HYAL4: variants seen among roughly 807,000 people sequenced by gnomAD.
HYAL4 encodes hyaluronidase 4, also known as hyaluronidase-4.
A neutral mutation model predicts 35.2 loss-of-function variants in HYAL4; 37 were observed. The observed-to-expected ratio is 1.05, with a 90% CI of 0.81 to 1.38. The LOEUF (loss-of-function observed/expected upper bound fraction) is 1.38. Ranked by LOEUF, HYAL4 falls within the 40% of genes most tolerant of loss-of-function variation. HYAL4 has a pLI of 0.00. For missense variants in HYAL4, 572 were observed against 572.4 expected, an observed-to-expected ratio of 1.00 and a Z score of 0.01; for synonymous variants, 198 against 203.2, an observed-to-expected ratio of 0.97 and a Z score of 0.22.
the HYAL4 span, among the ~76,000 whole-genome samples, chr7:123,768,987 A>G: frequency 4.6e-5 from 7 of 152,190 alleles, no homozygotes; most frequent in Non-Finnish European, 2.9e-5. Flanking sequence ...TAAAGGTAAC[A>G]TTATTTTGAC....
rs368104827 is a variant in HYAL4 at position 123,832,469 on chromosome 7, T to C, written c.-257+3345T>C. ...TTTCCCCCTGAGTCCCCAAAGTCTA[T>C]TGTGTCATACTTTTTTTTTTTTTTT... On this transcript the variant is annotated intron_variant, in intron 1 of 4. Transcript: ENST00000489978. Among the ~76,000 whole-genome samples, 1,049 of 137,268 alleles carry C rather than the reference T, an allele frequency of 7.6e-3. 21 individuals carry two copies. The highest frequency in any genetic ancestry group is 0.027 in the African/African-American group (981 of 36,802). The allele number at this position is 137,268 out of a possible 152,430, so 90.1% of individuals were successfully genotyped here. A position where few individuals can be genotyped will look rare whatever the true frequency, so the allele number is the denominator to read the frequency against.
At chr7:123,789,643 A>C in the HYAL4 span, among the ~76,000 whole-genome samples, 11,112 of 152,242 alleles carry the variant, frequency 0.073, 500 homozygotes, top group East Asian at 0.15. Flanking sequence ...GTAAAATAGT[A>C]CTTTCTGAAG....
intron 1 of HYAL4, among the ~76,000 whole-genome samples, chr7:123,834,935 TG>T (rs1246784347): frequency 4.6e-5 from 7 of 152,190 alleles, no homozygotes; most frequent in African/African-American, 1.7e-4. Flanking sequence ...GAAACCCACT[TG>T]ATCATGGTGG....
At chr7:123,834,321 T>C (rs1805928960) in intron 1 of HYAL4, among the ~76,000 whole-genome samples, 2 of 152,160 alleles carry the variant, frequency 1.3e-5, no homozygotes, top group East Asian at 1.9e-4. Flanking sequence ...GATATATTTC[T>C]AAGTATTTTA....
At chr7:123,776,758 A>G in the HYAL4 span, among the ~76,000 whole-genome samples, 1 of 152,126 alleles carries the variant, frequency 6.6e-6, no homozygotes, top group East Asian at 1.9e-4. Context: ...GGTTTTGGAG[A>G]GGGACATGTC....
At chr7:123,855,172 T>C (rs1484280637) in intron 2 of HYAL4, among the ~76,000 whole-genome samples, 2 of 152,176 alleles carry the variant, frequency 1.3e-5, no homozygotes, top group African/African-American at 2.4e-5. Flanking sequence ...CCAGGCTGTG[T>C]TTTTTAATTG....
the HYAL4 span, among the ~76,000 whole-genome samples, chr7:123,817,254 G>C: frequency 6.6e-6 from 1 of 152,064 alleles, no homozygotes; most frequent in African/African-American, 2.4e-5. Flanking sequence ...TTATCTTTAT[G>C]AACTGTAATC....
At chr7:123,842,022 T>G (rs1400279520), upstream of HYAL4, among the ~76,000 whole-genome samples, 1 of 152,010 alleles carries the variant, frequency 6.6e-6, no homozygotes, top group East Asian at 1.9e-4. Context: ...TCTTAGTTAT[T>G]TCTGGCCTTC....
chr7:123,854,167 G>A (rs1033670350), intron 2 of HYAL4, among the ~76,000 whole-genome samples: 1 of 151,914 alleles, frequency 6.6e-6, no homozygotes, highest in African/African-American at 2.4e-5. Context: ...CCTTTTCAAA[G>A]AACCAGCTCT....
chr7:123,861,319 G>T (rs55865834), intron 2 of HYAL4, among the ~76,000 whole-genome samples: 8,155 of 152,144 alleles, frequency 0.054, 754 homozygotes, highest in African/African-American at 0.19. Context: ...ATAACATTTC[G>T]CAGACCACTG....
At chr7:123,807,268 T>C in the HYAL4 span, among the ~76,000 whole-genome samples, 1 of 152,222 alleles carries the variant, frequency 6.6e-6, no homozygotes, top group Admixed American at 6.5e-5. Flanking sequence ...ATATTTCTCT[T>C]CTTTTTCTTT....
intron 1 of HYAL4, among the ~76,000 whole-genome samples, chr7:123,838,546 T>A (rs533672715): frequency 6.6e-6 from 1 of 151,712 alleles, no homozygotes; most frequent in African/African-American, 2.4e-5. Flanking sequence ...ATAAATGATG[T>A]CATAAACAGA....
At chr7:123,873,914 A>G (rs570097521) in intron 3 of HYAL4, among the ~76,000 whole-genome samples, 8 of 152,204 alleles carry the variant, frequency 5.3e-5, no homozygotes, top group Non-Finnish European at 1.2e-4. Flanking sequence ...AAACACACAT[A>G]ATTTCAGGGA....
At chr7:123,809,126 A>C in the HYAL4 span, among the ~76,000 whole-genome samples, 1 of 152,124 alleles carries the variant, frequency 6.6e-6, no homozygotes, top group Admixed American at 6.5e-5. Context: ...ATGAAGTCCA[A>C]ATTCCCAAAT....
chr7:123,771,071 A>AGTCC, the HYAL4 span, among the ~76,000 whole-genome samples: 204 of 152,330 alleles, frequency 1.3e-3, 1 homozygote, highest in Non-Finnish European at 8.2e-4. Flanking sequence ...GAAGATAAAA[A>AGTCC]GTCCAGTTAG....
At chr7:123,779,322 T>C in the HYAL4 span, among the ~76,000 whole-genome samples, 2 of 152,082 alleles carry the variant, frequency 1.3e-5, no homozygotes, top group East Asian at 3.9e-4. Context: ...AATGCTGATA[T>C]GAGTGCTACA....
At chr7:123,864,504 G>C (rs777706436) in intron 2 of HYAL4, among the ~76,000 whole-genome samples, 29 of 152,112 alleles carry the variant, frequency 1.9e-4, no homozygotes, top group Non-Finnish European at 2.9e-4. Flanking sequence ...ATTATGGAAG[G>C]GGGAAGGGAG....
intron 4 of HYAL4, 127 bp downstream of exon 4, chr7:123,874,977 A>T: frequency 3.2e-6 from 2 of 628,770 alleles, no homozygotes; most frequent in Non-Finnish European, 5.7e-6. Context: ...AGTGCCTGAT[A>T]CATAGCAAAG....
intron 4 of HYAL4, among the ~76,000 whole-genome samples, chr7:123,876,521 A>G (rs1313226756): frequency 1.3e-5 from 2 of 152,210 alleles, no homozygotes; most frequent in Non-Finnish European, 2.9e-5. Context: ...ATAACATAGT[A>G]TCCATCTCCT....
Sources: allele counts gnomAD v4.1 joint callset (sites outside exome capture counted in the v4.1 genomes callset), GRCh38; gene constraint gnomAD v4.1.1; transcripts MANE v1.5; gene names NCBI Gene and HGNC (gene_info 2026-07-23, HGNC 2026-07-21).